The following CPNE4 variants were observed in gnomAD, a reference collection of about 807,000 sequenced individuals.
CPNE4 encodes copine 4, also known as copine-4.
CPNE4 carries 25 observed loss-of-function variants against 67.9 expected under a neutral mutation model. That is an observed-to-expected ratio of 0.37 (90% CI 0.27 to 0.51). The LOEUF (loss-of-function observed/expected upper bound fraction) is 0.51. Among genes scored for constraint, CPNE4 ranks in the 20% least tolerant of loss-of-function variants. CPNE4 has a pLI of 0.93. For synonymous variants in CPNE4, 242 were observed against 244.9 expected, an observed-to-expected ratio of 0.99 and a Z score of 0.11; for missense variants, 464 against 690.8, an observed-to-expected ratio of 0.67 and a Z score of 3.68.
intron 7 of CPNE4, among the ~76,000 whole-genome samples, chr3:131,601,710 A>G (rs1939217018): frequency 6.6e-6 from 1 of 152,172 alleles, no homozygotes; most frequent in South Asian, 2.1e-4. Flanking sequence ...TTTACATGAT[A>G]GCCTGCACAG....
chr3:131,678,501 T>G (rs1343591922), intron 6 of CPNE4, among the ~76,000 whole-genome samples: 1 of 152,038 alleles, frequency 6.6e-6, no homozygotes, highest in Non-Finnish European at 1.5e-5. Flanking sequence ...AGAGGGCATC[T>G]TTGTTTTGTG....
At chr3:131,570,925 C>T (rs1027909079) in intron 10 of CPNE4, among the ~76,000 whole-genome samples, 1 of 152,018 alleles carries the variant, frequency 6.6e-6, no homozygotes, top group Non-Finnish European at 1.5e-5. Flanking sequence ...AAAATCTCTT[C>T]TCTTTTAATC....
chr3:131,978,132 TTATATAAATATATATAAAA>T (rs2072736668), intron 1 of CPNE4, among the ~76,000 whole-genome samples: 1 of 70,686 alleles, frequency 1.4e-5, no homozygotes, highest in East Asian at 3.6e-4. Context: ...ATATATATAT[TTATATAAATATATATAAAA>T]TATATAAATA....
At chr3:131,859,860 C>T (rs952330888) in intron 2 of CPNE4, among the ~76,000 whole-genome samples, 1 of 152,134 alleles carries the variant, frequency 6.6e-6, no homozygotes, top group South Asian at 2.1e-4. Context: ...CAAAGAGAGG[C>T]ATTCACCTTA....
chr3:131,593,034 A>C (rs1938630455), intron 7 of CPNE4, among the ~76,000 whole-genome samples: 1 of 152,232 alleles, frequency 6.6e-6, no homozygotes, highest in Non-Finnish European at 1.5e-5. Flanking sequence ...GGTCAGCTTC[A>C]TGTGTCAACA....
chr3:131,687,783 T>A (rs1275888505), intron 5 of CPNE4, among the ~76,000 whole-genome samples: 1 of 152,178 alleles, frequency 6.6e-6, no homozygotes, highest in Non-Finnish European at 1.5e-5. Flanking sequence ...CAAAGTACCA[T>A]CTAGGTTGCT....
intron 6 of CPNE4, among the ~76,000 whole-genome samples, chr3:131,673,220 C>T (rs2080469727): frequency 2.6e-5 from 4 of 151,942 alleles, no homozygotes; most frequent in African/African-American, 4.8e-5. Flanking sequence ...ATGCCAGTAC[C>T]GTGCTGTTTA....
chr3:131,555,114 C>T (rs1465770838), intron 12 of CPNE4, among the ~76,000 whole-genome samples: 2 of 152,052 alleles, frequency 1.3e-5, no homozygotes, highest in African/African-American at 4.8e-5. Context: ...AGTCTGTAGA[C>T]TCCATTGTCA....
chr3:131,801,748 A>C (rs2107914356), intron 2 of CPNE4, among the ~76,000 whole-genome samples: 1 of 151,148 alleles, frequency 6.6e-6, no homozygotes, highest in East Asian at 1.9e-4. Flanking sequence ...TAGTGTACTC[A>C]AGTAGTATTT....
At chr3:132,029,604 G>A (rs1461811878) in intron 1 of CPNE4, among the ~76,000 whole-genome samples, 1 of 152,112 alleles carries the variant, frequency 6.6e-6, no homozygotes, top group East Asian at 1.9e-4. Flanking sequence ...AAGGTGCAAT[G>A]AATTGCCCTA....
chr3:131,942,271 T>C (rs2071410519), intron 1 of CPNE4, among the ~76,000 whole-genome samples: 1 of 152,028 alleles, frequency 6.6e-6, no homozygotes, highest in South Asian at 2.1e-4. Flanking sequence ...ATTTAAAAAA[T>C]TTAAAAGCAT....
chr3:131,672,470 C>T (rs1377523125), intron 6 of CPNE4, among the ~76,000 whole-genome samples: 2 of 152,102 alleles, frequency 1.3e-5, no homozygotes, highest in Non-Finnish European at 2.9e-5. Context: ...GTTCCCTTTT[C>T]TCCGCATCCT....
intron 1 of CPNE4, among the ~76,000 whole-genome samples, chr3:131,932,996 G>A (rs549799949): frequency 6.6e-6 from 1 of 152,210 alleles, no homozygotes; most frequent in South Asian, 2.1e-4. Context: ...GCAACAGAGC[G>A]AGACTCTATC....
rs746992052 is a variant in CPNE4 at position 131,837,831 on chromosome 3, C to T, written c.180+67433G>A. 2.0e-5 allele frequency among the ~76,000 whole-genome samples: 3 copies of T among 151,834 alleles called. No homozygotes were observed. In the South Asian group the frequency reaches 6.2e-4, roughly 32 times the overall value. On this transcript the variant is annotated intron_variant, in intron 2 of 15. Transcript: ENST00000429747. ...TAAGGTTATTTATATATGATGTTCTCTTGGGGGAAACAGGATAAAGGGTAC... is the reference window on the plus strand; with the variant it reads ...TAAGGTTATTTATATATGATGTTCTTTTGGGGGAAACAGGATAAAGGGTAC...
intron 2 of CPNE4, among the ~76,000 whole-genome samples, chr3:131,764,071 G>T (rs1481098137): frequency 6.6e-6 from 1 of 152,080 alleles, no homozygotes; most frequent in East Asian, 1.9e-4. Flanking sequence ...TTAATAACTT[G>T]CCCAAAGTCC....
rs1487579525 is a variant in CPNE4 at position 131,711,081 on chromosome 3, T to G, written c.361-11101A>C. Among the ~76,000 whole-genome samples, 6 of 152,216 alleles carry G rather than the reference T, an allele frequency of 3.9e-5. No homozygotes were observed. The South Asian group carries it at 1.0e-3, about 26-fold the overall frequency. On this transcript the variant is annotated intron_variant, in intron 3 of 15. Transcript: ENST00000429747. ...TGGTCGTAAAATATATTGTCCAAAT[T>G]GGGACACTTTTGAAAGTGAGAGGGA...
chr3:131,862,873 A>G (rs1182763427), intron 2 of CPNE4, among the ~76,000 whole-genome samples: 2 of 137,130 alleles, frequency 1.5e-5, no homozygotes, highest in Admixed American at 7.7e-5. Context: ...CCCACCCCAC[A>G]ACAGGCCCCA....
At chr3:131,735,796 A>G (rs2082221733) in intron 2 of CPNE4, among the ~76,000 whole-genome samples, 1 of 152,204 alleles carries the variant, frequency 6.6e-6, no homozygotes, top group Admixed American at 6.5e-5. Flanking sequence ...ATTTTTTATT[A>G]TATTAAATTA....
intron 11 of CPNE4, among the ~76,000 whole-genome samples, chr3:131,561,491 G>C (rs761839219): frequency 1.9e-4 from 29 of 152,008 alleles, no homozygotes; most frequent in Non-Finnish European, 3.2e-4. Flanking sequence ...CAGGCTTGAG[G>C]ACAAGCTGTC....
Sources: allele counts gnomAD v4.1 joint callset (sites outside exome capture counted in the v4.1 genomes callset), GRCh38; gene constraint gnomAD v4.1.1; transcripts MANE v1.5; gene names NCBI Gene and HGNC (gene_info 2026-07-23, HGNC 2026-07-21).